CAP2: variants seen among roughly 807,000 people sequenced by gnomAD.
The protein encoded by CAP2 is adenylyl cyclase-associated protein 2.
In CAP2, 24 loss-of-function variants were observed where a neutral mutation model predicts 57.7. The ratio of observed to expected loss-of-function variants is 0.42; its 90% CI spans 0.30 to 0.58. CAP2 has a LOEUF of 0.58. CAP2 is among the 20% of genes least tolerant of loss of function. The pLI, the probability that CAP2 is intolerant of heterozygous loss-of-function variation, is 0.22. For synonymous variants in CAP2, 194 were observed against 207.2 expected, an observed-to-expected ratio of 0.94 and a Z score of 0.55; for missense variants, 501 against 590.3, an observed-to-expected ratio of 0.85 and a Z score of 1.57.
At chr6:17,500,462 G>C (rs568164305) in intron 4 of CAP2, among the ~76,000 whole-genome samples, 1 of 146,382 alleles carries the variant, frequency 6.8e-6, no homozygotes, top group African/African-American at 2.5e-5. Flanking sequence ...TCCGCCTCCC[G>C]GGTTCAAGCG....
chr6:17,553,237 G>A (rs1763212048), intron 12 of CAP2, among the ~76,000 whole-genome samples: 1 of 152,200 alleles, frequency 6.6e-6, no homozygotes, highest in Admixed American at 6.5e-5. Context: ...CCAGGCACCT[G>A]TAACTGTTAA....
intron 1 of CAP2, among the ~76,000 whole-genome samples, chr6:17,417,736 G>C (rs1451828482): frequency 6.6e-6 from 1 of 152,094 alleles, no homozygotes; most frequent in East Asian, 1.9e-4. Context: ...AGATCTGGGG[G>C]GACAAGTTTG....
intron 11 of CAP2, among the ~76,000 whole-genome samples, chr6:17,550,203 G>A (rs765678165): frequency 4.6e-5 from 7 of 151,838 alleles, no homozygotes; most frequent in Non-Finnish European, 5.9e-5. Context: ...CTGAGATGGC[G>A]CCATTGCACT....
At chr6:17,410,266 G>A (rs1759103517) in intron 1 of CAP2, among the ~76,000 whole-genome samples, 1 of 152,134 alleles carries the variant, frequency 6.6e-6, no homozygotes, top group Non-Finnish European at 1.5e-5. Flanking sequence ...CTCAAAGTGT[G>A]GGCCCTTGTA....
At chr6:17,502,383 A>G (rs1761848150) in intron 4 of CAP2, among the ~76,000 whole-genome samples, 1 of 152,226 alleles carries the variant, frequency 6.6e-6, no homozygotes, top group African/African-American at 2.4e-5. Context: ...CCTGCCTTGA[A>G]AGTCAGGATG....
intron 1 of CAP2, among the ~76,000 whole-genome samples, chr6:17,401,146 G>C (rs1758803906): frequency 6.6e-6 from 1 of 152,222 alleles, no homozygotes; most frequent in Non-Finnish European, 1.5e-5. Flanking sequence ...CACTGCCATT[G>C]TGATGGTATT....
chr6:17,451,674 T>C (rs1276974710), intron 3 of CAP2, among the ~76,000 whole-genome samples: 1 of 152,118 alleles, frequency 6.6e-6, no homozygotes, highest in African/African-American at 2.4e-5. Flanking sequence ...CACGCTCAGC[T>C]AATTTTTGTA....
rs1243726201 is a variant in CAP2 at position 17,504,736 on chromosome 6, C to T, written c.301-2433C>T. 4.6e-5 allele frequency among the ~76,000 whole-genome samples: 7 copies of T among 152,332 alleles called. No individual in the cohort carries two copies. In the East Asian group the frequency reaches 1.2e-3, roughly 25 times the overall value. On this transcript the variant is annotated intron_variant, in intron 4 of 12. Coordinates refer to ENST00000229922, the MANE Select transcript of CAP2 (RefSeq NM_006366.3). Reference sequence around the variant, plus strand: ...CAGTACACACACAAACACACACACACACACTTCATAACCAAAACAAGTGTT... The same window carrying T: ...CAGTACACACACAAACACACACACATACACTTCATAACCAAAACAAGTGTT...
intron 6 of CAP2, among the ~76,000 whole-genome samples, chr6:17,511,731 G>C (rs913135494): frequency 2.6e-5 from 4 of 152,264 alleles, no homozygotes; most frequent in Non-Finnish European, 4.4e-5. Flanking sequence ...TGAGATTATA[G>C]GCGTAAGCCA....
At chr6:17,447,760 A>T (rs748688326) in intron 3 of CAP2, among the ~76,000 whole-genome samples, 2 of 152,202 alleles carry the variant, frequency 1.3e-5, no homozygotes, top group Non-Finnish European at 1.5e-5. Flanking sequence ...AGCCTCCCAA[A>T]GTGCTGGGAT....
chr6:17,450,073 A>C (rs1214684602), intron 3 of CAP2, among the ~76,000 whole-genome samples: 2 of 149,654 alleles, frequency 1.3e-5, no homozygotes, highest in Non-Finnish European at 3.0e-5. Context: ...TTTTTTTAAG[A>C]CTGGGTCTTG....
At chr6:17,543,181 A>C (rs568936308) in intron 11 of CAP2, 38 bp downstream of exon 11, 3 of 1,535,128 alleles carry the variant, frequency 2.0e-6, no homozygotes, top group Non-Finnish European at 2.7e-6. Context: ...TAATAAGCAG[A>C]GCCTTTCCAA....
intron 4 of CAP2, among the ~76,000 whole-genome samples, chr6:17,488,413 G>A (rs1408737682): frequency 6.6e-6 from 1 of 152,108 alleles, no homozygotes; most frequent in Admixed American, 6.5e-5. Context: ...ACAAGCCCTC[G>A]ATGGCTTGGT....
intron 3 of CAP2, among the ~76,000 whole-genome samples, chr6:17,441,495 T>C (rs1760071582): frequency 6.6e-6 from 1 of 151,646 alleles, no homozygotes; most frequent in East Asian, 1.9e-4. Context: ...TTGTCGTTTT[T>C]ACTTTGAGAC....
intron 1 of CAP2, among the ~76,000 whole-genome samples, chr6:17,414,461 A>G (rs6459544): frequency 0.44 from 66,428 of 151,740 alleles, 17,280 homozygotes; most frequent in African/African-American, 0.73. Flanking sequence ...GTGTCCATGT[A>G]TTCTCAATGT....
chr6:17,540,256 A>T (rs893293502), intron 8 of CAP2, among the ~76,000 whole-genome samples: 2 of 152,160 alleles, frequency 1.3e-5, no homozygotes, highest in Non-Finnish European at 2.9e-5. Context: ...AAAGTAAAGG[A>T]ATGGATTCGT....
At chr6:17,405,950 A>G (rs569525344) in intron 1 of CAP2, among the ~76,000 whole-genome samples, 18 of 152,212 alleles carry the variant, frequency 1.2e-4, no homozygotes, top group African/African-American at 4.3e-4. Context: ...TATGTTGCCC[A>G]GGCTGGTCGT....
intron 6 of CAP2, among the ~76,000 whole-genome samples, chr6:17,508,517 G>C (rs936874724): frequency 5.9e-5 from 9 of 152,138 alleles, no homozygotes; most frequent in African/African-American, 2.2e-4. Context: ...TGATGTGGCT[G>C]GTGCCTAGGA....
In CAP2 at chr6:17,557,098, C is replaced by A. The variant is rs1287698400; in HGVS notation, c.*656C>A. 1 of 152,180 alleles carries A rather than the reference C, an allele frequency of 6.6e-6. No homozygotes were observed. The highest frequency in any genetic ancestry group is 2.4e-5 in the African/African-American group (1 of 41,442). The allele number at this position is 152,180 out of a possible 1,614,324, so 9.4% of individuals were successfully genotyped here. On this transcript the variant is annotated 3_prime_UTR_variant, in exon 13 of 13. Transcript: ENST00000229922. ...ATTATTCATCTTACATATTTTTCCA[C>A]CATGTCATTTGAAAACTTGCTTTTC...
Sources: allele counts gnomAD v4.1 joint callset (sites outside exome capture counted in the v4.1 genomes callset), GRCh38; gene constraint gnomAD v4.1.1; transcripts MANE v1.5; gene names NCBI Gene and HGNC (gene_info 2026-07-23, HGNC 2026-07-21).